ME1: variants seen among roughly 807,000 people sequenced by gnomAD.
ME1 encodes the protein NADP-dependent malic enzyme.
Under a neutral mutation model 66.4 loss-of-function variants are expected in ME1, and 74 were observed. The observed-to-expected ratio is 1.11, with a 90% confidence interval of 0.92 to 1.35. The LOEUF (loss-of-function observed/expected upper bound fraction) is 1.35, where lower values mean the gene tolerates loss of function less well. ME1 is among the 40% of genes most tolerant of loss of function. The probability of loss-of-function intolerance (pLI) is 0.00; values close to 1 mark genes in which losing one functional copy is unlikely to be tolerated. For missense variants in ME1, 750 were observed against 694.1 expected, an observed-to-expected ratio of 1.08 and a Z score of -0.90; for synonymous variants, 251 against 235.6, an observed-to-expected ratio of 1.07 and a Z score of -0.60.
chr6:83,249,168 G>A (rs866719901), intron 7 of ME1, among the ~76,000 whole-genome samples: 4 of 152,082 alleles, frequency 2.6e-5, no homozygotes, highest in South Asian at 2.1e-4. Context: ...TTTTAAAGCC[G>A]TTAAATGTAT....
chr6:83,355,616 A>T (rs181902868), intron 3 of ME1, among the ~76,000 whole-genome samples: 38 of 152,200 alleles, frequency 2.5e-4, no homozygotes, highest in African/African-American at 8.9e-4. Context: ...TCCCACCAAA[A>T]CCAAGCATTT....
At chr6:83,395,829 G>C (rs1255195118) in intron 3 of ME1, among the ~76,000 whole-genome samples, 1 of 150,160 alleles carries the variant, frequency 6.7e-6, no homozygotes, top group African/African-American at 2.4e-5. Flanking sequence ...AAAACAATTA[G>C]GCAAGCAAAA....
rs1423582603 is a variant in ME1 at position 83,257,408 on chromosome 6, G to T, written c.705-3670C>A. On this transcript the variant is annotated intron_variant, in intron 6 of 13. Transcript: ENST00000369705. ...AGTAATAAAAATAAGTCTACTTCTAGCATGACAGAGTGAAGAAGGTGGCAA... is the reference window on the plus strand; with the variant it reads ...AGTAATAAAAATAAGTCTACTTCTATCATGACAGAGTGAAGAAGGTGGCAA... Among the ~76,000 whole-genome samples the T allele has an allele frequency of 2.0e-5, 3 of 152,124 alleles. No individual in the cohort carries two copies. The East Asian group carries it at 5.8e-4, about 29-fold the overall frequency.
chr6:83,354,595 GATA>G (rs1768854602), intron 3 of ME1, among the ~76,000 whole-genome samples: 1 of 152,048 alleles, frequency 6.6e-6, no homozygotes, highest in South Asian at 2.1e-4. Context: ...GGCCTTCTCT[GATA>G]ACAGTAGTCA....
intron 6 of ME1, among the ~76,000 whole-genome samples, chr6:83,273,028 T>C (rs1047819770): frequency 6.6e-6 from 1 of 151,664 alleles, no homozygotes; most frequent in African/African-American, 2.4e-5. Flanking sequence ...TATAAAAAAA[T>C]TAGCCGGGCA....
At chr6:83,255,250 G>A (rs1766745158) in intron 6 of ME1, among the ~76,000 whole-genome samples, 1 of 151,468 alleles carries the variant, frequency 6.6e-6, no homozygotes. Flanking sequence ...GAGATTCTAT[G>A]TTCACTTGTT....
chr6:83,381,738 G>A (rs1431373657), intron 3 of ME1, among the ~76,000 whole-genome samples: 4 of 152,074 alleles, frequency 2.6e-5, no homozygotes, highest in Admixed American at 1.3e-4. Flanking sequence ...TTAAGAATTG[G>A]AAAGGGATCC....
intron 6 of ME1, among the ~76,000 whole-genome samples, chr6:83,260,306 A>C (rs1205858924): frequency 6.6e-6 from 1 of 152,174 alleles, no homozygotes; most frequent in East Asian, 1.9e-4. Flanking sequence ...TCGGTTTATA[A>C]CTAAAGTGGC....
intron 6 of ME1, among the ~76,000 whole-genome samples, chr6:83,304,892 T>C (rs1767797934): frequency 6.6e-6 from 1 of 152,174 alleles, no homozygotes; most frequent in Admixed American, 6.5e-5. Flanking sequence ...CAATATTTAC[T>C]ACCAACTTGC....
At chr6:83,365,646 G>T (rs1305713735) in intron 3 of ME1, among the ~76,000 whole-genome samples, 1 of 152,148 alleles carries the variant, frequency 6.6e-6, no homozygotes, top group Non-Finnish European at 1.5e-5. Flanking sequence ...GATCACTTGA[G>T]GCCAGGAGTT....
intron 12 of ME1, among the ~76,000 whole-genome samples, chr6:83,219,783 T>A (rs1415042302): frequency 1.3e-5 from 2 of 150,790 alleles, no homozygotes; most frequent in Admixed American, 6.6e-5. Context: ...AGATAGGGTT[T>A]CACCATGTTG....
At chr6:83,242,439 T>C (rs1204115993) in intron 7 of ME1, among the ~76,000 whole-genome samples, 1 of 152,152 alleles carries the variant, frequency 6.6e-6, no homozygotes, top group Non-Finnish European at 1.5e-5. Flanking sequence ...ATAGATTGGG[T>C]AAAATACAAG....
intron 9 of ME1, among the ~76,000 whole-genome samples, chr6:83,231,710 A>T (rs1259677426): frequency 6.6e-6 from 1 of 152,180 alleles, no homozygotes; most frequent in African/African-American, 2.4e-5. Context: ...TATGGAGATG[A>T]GTAGATGTCT....
chr6:83,212,601 C>T (rs544571740), intron 13 of ME1, among the ~76,000 whole-genome samples: 9 of 152,298 alleles, frequency 5.9e-5, no homozygotes, highest in African/African-American at 2.2e-4. Context: ...CTGGTCATCA[C>T]GCCCTGTGTT....
intron 3 of ME1, among the ~76,000 whole-genome samples, chr6:83,373,641 T>A (rs1769234655): frequency 1.3e-5 from 2 of 152,344 alleles, no homozygotes; most frequent in Admixed American, 6.5e-5. Flanking sequence ...GGGATACATG[T>A]GTACAGAACA....
chr6:83,325,629 A>C (rs1768273726), intron 5 of ME1, among the ~76,000 whole-genome samples: 1 of 152,166 alleles, frequency 6.6e-6, no homozygotes, highest in Admixed American at 6.5e-5. Flanking sequence ...CTACTAAGAG[A>C]ATAAAGTACC....
chr6:83,257,430 G>A (rs913445862), intron 6 of ME1, among the ~76,000 whole-genome samples: 1 of 152,112 alleles, frequency 6.6e-6, no homozygotes, highest in East Asian at 1.9e-4. Context: ...GAAGAAGGTG[G>A]CAAATTCATT....
At chr6:83,272,529 A>G (rs564622452) in intron 6 of ME1, among the ~76,000 whole-genome samples, 2 of 152,326 alleles carry the variant, frequency 1.3e-5, no homozygotes, top group East Asian at 3.9e-4. Context: ...TATCCAGGTT[A>G]AAGTCAGGGA....
In ME1 at chr6:83,392,043, A is replaced by C. The variant is rs77781534; in HGVS notation, c.362+6324T>G. On this transcript the variant is annotated intron_variant, in intron 3 of 13. Transcript: ENST00000369705. ...CTTCTTTTGGAATATATGCACACCAAAGTGTCCTAAGCCTGAGAAAACCAT... is the reference window on the plus strand; with the variant it reads ...CTTCTTTTGGAATATATGCACACCACAGTGTCCTAAGCCTGAGAAAACCAT... Among the ~76,000 whole-genome samples the C allele has an allele frequency of 4.8e-4, 73 of 152,300 alleles. No individual in the cohort carries two copies. The East Asian group carries it at 0.013, about 28-fold the overall frequency.
Sources: gnomAD v4.1 joint callset for allele counts (sites outside exome capture counted in the v4.1 genomes callset) on GRCh38, gnomAD v4.1.1 for gene constraint, MANE v1.5 for transcripts, NCBI Gene and HGNC (gene_info 2026-07-23, HGNC 2026-07-21) for gene names.